The following NPAT variants were observed in gnomAD, a reference collection of about 807,000 sequenced individuals.
NPAT encodes the protein nuclear protein, coactivator of histone transcription, also known as protein NPAT.
A neutral mutation model predicts 130.7 loss-of-function variants in NPAT; 52 were observed. That is an observed-to-expected ratio of 0.40 (90% confidence interval 0.32 to 0.50). The LOEUF is 0.50. Among genes scored for constraint, NPAT ranks in the 20% least tolerant of loss-of-function variants. The probability of loss-of-function intolerance (pLI) is 0.68; values close to 1 mark genes in which losing one functional copy is unlikely to be tolerated. For synonymous variants in NPAT, 580 were observed against 584.8 expected (o/e 0.99, Z 0.12); for missense variants, 1,687 against 1,662.6 (o/e 1.01, Z -0.26).
chr11:108,171,378 C>T (rs1212546022), intron 13 of NPAT: 2 of 152,056 alleles, frequency 1.3e-5, no homozygotes, highest in African/African-American at 4.8e-5. Context: ...CCGCCTCGGC[C>T]TCCCAAAGTG....
At position 108,186,574 on chromosome 11, in the gene NPAT, A is replaced by C; in HGVS notation, c.639-5T>G. On this transcript the variant is annotated splice_polypyrimidine_tract_variant and splice_region_variant and intron_variant, in intron 7 of 17. Transcript: ENST00000278612. ...GTACTTTTTCTCTGAGATTCACTGA[A>C]ACACATTTTAAAAGCTTTTCTTTTA... is the stretch of plus-strand genomic sequence containing the variant. 1 of 1,610,314 alleles carries C rather than the reference A, an allele frequency of 6.2e-7. No homozygotes were observed. Among genetic ancestry groups the C allele is most frequent in the Non-Finnish European group, 8.5e-7 (1 of 1,176,638 alleles).
chr11:108,196,845 T>C (rs912751005), intron 2 of NPAT, among the ~76,000 whole-genome samples: 9 of 152,230 alleles, frequency 5.9e-5, no homozygotes, highest in Non-Finnish European at 8.8e-5. Context: ...TAAGGAGCCA[T>C]GATTAAAATA....
chr11:108,205,456 G>A lies in NPAT; in HGVS notation c.38-8036C>T, dbSNP rs1369544403. On this transcript the variant is annotated intron_variant, in intron 1 of 17. Transcript: ENST00000278612. ...AATGAAAAAATTTTTAATAGAGATG[G>A]TGTCTCACTATATGTTGCCTAGATA... Among the ~76,000 whole-genome samples the A allele has an allele frequency of 4.6e-5, 7 of 151,902 alleles. No individual in the cohort carries two copies. In the East Asian group the frequency reaches 1.4e-3, roughly 29 times the overall value.
rs768012696 is a variant in NPAT at position 108,161,681 on chromosome 11, A to G, written c.3405T>C (p.Ile1135=). The G allele has an allele frequency of 1.2e-6, 2 of 1,614,024 alleles. No individual in the cohort carries two copies. Among genetic ancestry groups the G allele is most frequent in the Non-Finnish European group, 8.5e-7 (1 of 1,180,034 alleles). ...TTTCTCTTATGGTGGTATGCCGGCT[A>G]ATGGCACTTTCCGATTTAGATAAAA... ...PKILSKSESA[I]SRHTTIRETQ... is the part of the protein sequence containing the mutation. Residue 1135 remains isoleucine, a synonymous_variant, in exon 17 of 18, where the codon ATT becomes ATC. Transcript: ENST00000278612.
chr11:108,207,492 T>G (rs2134889340), intron 1 of NPAT, among the ~76,000 whole-genome samples: 1 of 152,340 alleles, frequency 6.6e-6, no homozygotes, highest in South Asian at 2.1e-4. Context: ...CGAGTTGCCC[T>G]CAGCCTCACC....
intron 10 of NPAT, among the ~76,000 whole-genome samples, chr11:108,179,139 C>T (rs1054869470): frequency 1.3e-5 from 2 of 152,122 alleles, no homozygotes; most frequent in African/African-American, 4.8e-5. Flanking sequence ...ACAGTGTCTT[C>T]AAGATATAGA....
At chr11:108,184,927 A>G (rs925293997) in intron 10 of NPAT, among the ~76,000 whole-genome samples, 3 of 152,226 alleles carry the variant, frequency 2.0e-5, no homozygotes, top group Non-Finnish European at 4.4e-5. Flanking sequence ...TAAACACTGT[A>G]TTACTGTTTA....
At chr11:108,186,714 C>A (rs2078111390) in intron 7 of NPAT, 145 bp from the exon 8 acceptor site, 1 of 683,016 alleles carries the variant, frequency 1.5e-6, no homozygotes, top group African/African-American at 1.8e-5. Context: ...GTTTCAGGAC[C>A]CCCAAGGATA....
rs892843195 is a variant in NPAT, at chr11:108,161,609, A to T, written c.3477T>A (p.Ser1159=). ...CCTTATTAGCTGTTGCTTTATGGAAAGATTCAAGCACAATTTCTGTTGGTG... is the reference window on the plus strand; with the variant it reads ...CCTTATTAGCTGTTGCTTTATGGAATGATTCAAGCACAATTTCTGTTGGTG... The part of the protein sequence containing the change: ...KVSPTEIVLE[S]FHKATANKEN... Residue 1159 remains serine, a synonymous_variant, in exon 17 of 18, where the codon TCT becomes TCA. Transcript: ENST00000278612. 2.5e-6 allele frequency: 4 copies of T among 1,614,038 alleles called. No homozygotes were observed. In the African/African-American group the frequency reaches 4.0e-5, roughly 16 times the overall value.
chr11:108,163,096 T>TTTATTTATTTA (rs2077868213), intron 15 of NPAT, among the ~76,000 whole-genome samples: 1 of 116,162 alleles, frequency 8.6e-6, no homozygotes, highest in African/African-American at 3.7e-5. Flanking sequence ...TTATTTATTT[T>TTTATTTATTTA]TGAGACGGAG....
chr11:108,179,590 T>C (rs1015147110), intron 10 of NPAT, among the ~76,000 whole-genome samples: 3 of 152,198 alleles, frequency 2.0e-5, no homozygotes, highest in African/African-American at 7.2e-5. Flanking sequence ...TATTATGAGT[T>C]AGACCTAAAA....
chr11:108,190,312 CAAAAAAAAAA>C (rs71047681), intron 5 of NPAT, 138 bp downstream of exon 5: 18 of 342,704 alleles, frequency 5.3e-5, no homozygotes, highest in East Asian at 1.8e-4. Flanking sequence ...GACACTGTCT[CAAAAAAAAAA>C]AAAAAAAAAA....
chr11:108,213,893 T>C (rs2078408148), intron 1 of NPAT, among the ~76,000 whole-genome samples: 1 of 152,132 alleles, frequency 6.6e-6, no homozygotes. Context: ...TATGGTCAGT[T>C]TATTTTTTTT....
chr11:108,180,292 C>T (rs1361463178), intron 10 of NPAT, among the ~76,000 whole-genome samples: 1 of 152,160 alleles, frequency 6.6e-6, no homozygotes, highest in African/African-American at 2.4e-5. Flanking sequence ...TGCACCACAT[C>T]ACTCCAGCCT....
chr11:108,206,922 C>A (rs548928181), intron 1 of NPAT, among the ~76,000 whole-genome samples: 1 of 152,254 alleles, frequency 6.6e-6, no homozygotes, highest in East Asian at 1.9e-4. Flanking sequence ...GAGAGGATAC[C>A]CACAGTGGGA....
At chr11:108,220,857 G>T (rs1231260327) in intron 1 of NPAT, among the ~76,000 whole-genome samples, 1 of 152,176 alleles carries the variant, frequency 6.6e-6, no homozygotes, top group Non-Finnish European at 1.5e-5. Context: ...AATGAATTGC[G>T]AGGACAACTG....
chr11:108,192,380 G>A (rs967631347), intron 3 of NPAT, among the ~76,000 whole-genome samples, 190 bp from the exon 4 acceptor site: 7 of 152,154 alleles, frequency 4.6e-5, no homozygotes, highest in Non-Finnish European at 1.0e-4. Context: ...AAGCCACTGA[G>A]TATCAGATAC....
At position 108,189,310 on chromosome 11, in the gene NPAT, C is replaced by T; in HGVS notation, c.352G>A (p.Ala118Thr). ...SQRARTRTGI[A>T]EIKRQRKLAS... ...AGCTTTCTCTGCCGTTTGATTTCTG[C>T]AATTCCAGTTCTCGTTCGGGCTGAA... Residue 118 changes from alanine (A) to threonine (T), a missense_variant, in exon 6 of 18, where the codon GCA becomes ACA. By Grantham distance (58) the Ala-to-Thr change is moderately conservative. Coordinates refer to ENST00000278612, the MANE Select transcript of NPAT (RefSeq NM_002519.3). 4 of 1,614,142 alleles carry T rather than the reference C, an allele frequency of 2.5e-6. No homozygotes were observed. The highest frequency in any genetic ancestry group is 3.4e-6 in the Non-Finnish European group (4 of 1,180,022).
intron 1 of NPAT, among the ~76,000 whole-genome samples, chr11:108,209,058 T>G (rs915784621): frequency 1.3e-5 from 2 of 151,972 alleles, no homozygotes; most frequent in Non-Finnish European, 2.9e-5. Context: ...GGCAGGCAGA[T>G]CACCTGAGGT....
Sources: gnomAD v4.1 joint callset for allele counts (sites outside exome capture counted in the v4.1 genomes callset) on GRCh38, gnomAD v4.1.1 for gene constraint, MANE v1.5 for transcripts, NCBI Gene and HGNC (gene_info 2026-07-23, HGNC 2026-07-21) for gene names.